Variants in EEF1B2 observed in about 807,000 individuals in gnomAD.
EEF1B2 encodes the protein elongation factor 1-beta.
In EEF1B2, 12 loss-of-function variants were observed where a neutral mutation model predicts 28.3. The ratio of observed to expected loss-of-function variants is 0.42; its 90% confidence interval spans 0.27 to 0.69. The LOEUF (loss-of-function observed/expected upper bound fraction) is 0.69. Among genes scored for constraint, EEF1B2 ranks in the 30% least tolerant of loss-of-function variants. EEF1B2 has a pLI of 0.22. For synonymous variants in EEF1B2, 83 were observed against 99.9 expected (o/e 0.83, Z 1.01); for missense variants, 234 against 272.6 (o/e 0.86, Z 1.00).
chr2:206,161,215 C>T, intron 2 of EEF1B2, 131 bp from the exon 3 acceptor site: 1 of 1,292,712 alleles, frequency 7.7e-7, no homozygotes, highest in Non-Finnish European at 1.1e-6. Flanking sequence ...TACCTGGGCG[C>T]ATGTGAAAGG....
chr2:206,159,894 T>G, upstream of EEF1B2: 1 of 1,481,570 alleles, frequency 6.7e-7, no homozygotes, highest in Non-Finnish European at 9.1e-7. Context: ...TCTCTTCGGG[T>G]CCTTTTTCCT....
chr2:206,161,674 G>A (rs924720763), intron 3 of EEF1B2, among the ~76,000 whole-genome samples: 3 of 151,974 alleles, frequency 2.0e-5, no homozygotes, highest in African/African-American at 7.2e-5. Context: ...AGGCGGCTAA[G>A]GCAGAGAATT....
upstream of EEF1B2, chr2:206,159,682 G>A: frequency 3.6e-6 from 1 of 280,206 alleles, no homozygotes; most frequent in East Asian, 7.0e-5. Context: ...GGGAGCCGTG[G>A]AGGTACGAAC....
At position 206,159,970 on chromosome 2, in the gene EEF1B2, A is replaced by G. The variant is rs1277734076; in HGVS notation, c.-10A>G. Reference sequence around the variant, plus strand: ...CTGCTGCTCCCCAGCTCTCGGATACAGCCGACACCATGGGTTTCGGAGACC... The same window carrying G: ...CTGCTGCTCCCCAGCTCTCGGATACGGCCGACACCATGGGTTTCGGAGACC... On this transcript the variant is annotated 5_prime_UTR_variant, in exon 1 of 6. Transcript: ENST00000392222. The G allele has an allele frequency of 1.9e-6, 3 of 1,610,982 alleles. No homozygotes were observed. Among genetic ancestry groups the G allele is most frequent in the Non-Finnish European group, 8.5e-7 (1 of 1,179,234 alleles).
chr2:206,162,295 CTG>C lies in EEF1B2; in HGVS notation c.398-192_398-191del, dbSNP rs771886327. 17 of 1,128,720 alleles carry C rather than the reference CTG, an allele frequency of 1.5e-5. No homozygotes were observed. The African/African-American group carries it at 1.8e-4, about 12-fold the overall frequency. The allele number at this position is 1,128,720 out of a possible 1,614,324, so 69.9% of individuals were successfully genotyped here. On this transcript the variant is annotated intron_variant, in intron 4 of 5. Transcript: ENST00000392222. The stretch of plus-strand genomic sequence containing the variant: ...GTGGCATTCCTCTGTGGGAAAGAAA[CTG>C]TTAACACAAACACCTCTTTCTTAGC...
rs1687885670 is a variant in EEF1B2 at position 206,160,491 on chromosome 2, G to C, written c.81-97G>C. The C allele has an allele frequency of 8.2e-6, 13 of 1,592,722 alleles. No homozygotes were observed. In the South Asian group the frequency reaches 1.5e-4, roughly 18 times the overall value. On this transcript the variant is annotated intron_variant, in intron 1 of 5. Transcript: ENST00000392222. ...CATTAAAGCAACCCTGCTGGGGTTA[G>C]TGCCCACTAATTAATGTGATGCATA...
intron 2 of EEF1B2, 27 bp from the exon 3 acceptor site, chr2:206,161,319 A>G: frequency 1.2e-6 from 2 of 1,612,722 alleles, no homozygotes; most frequent in Non-Finnish European, 1.7e-6. Flanking sequence ...CTAGCTCAAT[A>G]GTGGTTGAAT....
chr2:206,161,545 G>C, intron 3 of EEF1B2, 73 bp downstream of exon 3: 1 of 1,581,438 alleles, frequency 6.3e-7, no homozygotes, highest in Non-Finnish European at 8.6e-7. Flanking sequence ...CATGTTGGGA[G>C]GCTGAGGCGG....
rs945736661 is a variant in EEF1B2 at position 206,161,365 on chromosome 2, G to A, written c.223G>A (p.Ala75Thr). 4.3e-6 allele frequency: 7 copies of A among 1,614,006 alleles called. No individual in the cohort carries two copies. The highest frequency in any genetic ancestry group is 1.7e-6 in the Non-Finnish European group (2 of 1,180,036). Residue 75 changes from alanine to threonine, a missense_variant, in exon 3 of 6, where the codon GCT (alanine) becomes ACT (threonine). Physicochemically the swap from Ala to Thr is moderately conservative, Grantham distance 58. Coordinates refer to ENST00000392222, the MANE Select transcript of EEF1B2 (RefSeq NM_001959.4). ...EKASLPGVKK[A>T]LGKYGPADVE... Reference sequence around the variant, plus strand: ...TTCAAGCCTGCCAGGAGTGAAGAAAGCTTTGGGCAAATATGGTCCTGCCGA... The same window carrying A: ...TTCAAGCCTGCCAGGAGTGAAGAAAACTTTGGGCAAATATGGTCCTGCCGA...
intron 2 of EEF1B2, 132 bp from the exon 3 acceptor site, chr2:206,161,214 G>A: frequency 7.9e-6 from 10 of 1,260,262 alleles, no homozygotes; most frequent in Admixed American, 2.1e-5. Context: ...TTACCTGGGC[G>A]CATGTGAAAG....
Position 206,161,925 on chromosome 2 carries a change from C to T in EEF1B2, c.331-113C>T, listed in dbSNP as rs370161702. 1.4e-4 allele frequency: 127 copies of T among 877,824 alleles called. No homozygotes were observed. In the African/African-American group the frequency reaches 1.5e-3, roughly 10 times the overall value. The allele number at this position is 877,824 out of a possible 1,614,324, so 54.4% of individuals were successfully genotyped here. A position where few individuals can be genotyped will look rare whatever the true frequency, so the allele number is the denominator to read the frequency against. On this transcript the variant is annotated intron_variant, in intron 3 of 5. Coordinates refer to ENST00000392222, the MANE Select transcript of EEF1B2 (RefSeq NM_001959.4). ...CAAATCACCATCTTTCGGCTGAGTT[C>T]GTGATGGATTTGCTTTTTTCTGATT...
At chr2:206,160,165 C>CT (rs71034414) in intron 1 of EEF1B2, 106 bp downstream of exon 1, 6 of 1,420,894 alleles carry the variant, frequency 4.2e-6, no homozygotes, top group South Asian at 2.6e-5. Context: ...AGGCCGGGCC[C>CT]GGGGCCCTTT....
rs138388908 is a variant in EEF1B2, at chr2:206,160,592, G to A, written c.85G>A (p.Val29Met). The change falls in exon 2 of 6, where the codon GTG (valine) becomes ATG (methionine). Residue 29 changes from valine to methionine, a missense_variant. Coordinates refer to ENST00000392222, the MANE Select transcript of EEF1B2 (RefSeq NM_001959.4). Reference protein sequence around the residue: ...LADKSYIEGYVPSQADVAVFE... With the variant: ...LADKSYIEGYMPSQADVAVFE... ...ATGTTTCTGTGTCCTTGGCAGGTAT[G>A]TGCCATCACAAGCAGATGTGGCAGT... 4 of 1,613,964 alleles carry A rather than the reference G, an allele frequency of 2.5e-6. No homozygotes were observed. The highest frequency in any genetic ancestry group is 1.3e-5 in the African/African-American group (1 of 75,002).
chr2:206,162,163 T>TGAC, intron 4 of EEF1B2, 59 bp downstream of exon 4: 1 of 1,542,054 alleles, frequency 6.5e-7, no homozygotes, highest in Non-Finnish European at 9.0e-7. Context: ...TTTCAAAGCT[T>TGAC]GACCTTGAAG....
chr2:206,159,925 A>G lies in EEF1B2; in HGVS notation c.-55A>G, dbSNP rs1370394030. ...TTCCTCTCTTCAGCGTGGGGCGCCC[A>G]CAATTTGCGCGCTCTCTTTCTGCTG... On this transcript the variant is annotated 5_prime_UTR_variant, in exon 1 of 6. Transcript: ENST00000392222. 6.3e-6 allele frequency: 10 copies of G among 1,591,254 alleles called. No individual in the cohort carries two copies. Among genetic ancestry groups the G allele is most frequent in the African/African-American group, 1.4e-5 (1 of 73,470 alleles).
chr2:206,160,715 AATC>A lies in EEF1B2; in HGVS notation c.203+9_203+11del, dbSNP rs756627568. ...TTACGAAAAGGAAAAGGCCAGGTAAAATCATCTTTGTATAGAGCTGAAGAATAA... is the reference window on the plus strand; with the variant it reads ...TTACGAAAAGGAAAAGGCCAGGTAAAATCTTTGTATAGAGCTGAAGAATAA... On this transcript the variant is annotated splice_donor_region_variant and intron_variant, in intron 2 of 5. Transcript: ENST00000392222. The A allele has an allele frequency of 1.2e-6, 2 of 1,614,126 alleles. No homozygotes were observed. Among genetic ancestry groups the A allele is most frequent in the South Asian group, 2.2e-5 (2 of 91,078 alleles).
chr2:206,160,792 A>G, intron 2 of EEF1B2, 82 bp downstream of exon 2: 1 of 1,607,372 alleles, frequency 6.2e-7, no homozygotes, highest in Non-Finnish European at 8.5e-7. Context: ...AACTGGACCC[A>G]GGCTACTTTA....
intron 3 of EEF1B2, 28 bp downstream of exon 3, chr2:206,161,500 C>A (rs554226006): frequency 8.1e-6 from 13 of 1,611,130 alleles, no homozygotes; most frequent in South Asian, 3.3e-5. Context: ...AAGAACATAT[C>A]GGCCAGGCGC....
intron 3 of EEF1B2, 172 bp from the exon 4 acceptor site, chr2:206,161,866 T>C (rs370795554): frequency 1.3e-6 from 1 of 771,830 alleles, no homozygotes; most frequent in Non-Finnish European, 2.4e-6. Context: ...ATATGCCTTT[T>C]TCAAATTCTG....
Sources: allele counts gnomAD v4.1 joint callset (sites outside exome capture counted in the v4.1 genomes callset), GRCh38; gene constraint gnomAD v4.1.1; transcripts MANE v1.5; gene names NCBI Gene and HGNC (gene_info 2026-07-23, HGNC 2026-07-21).